The following SLIT1 variants were observed in gnomAD, a reference collection of about 807,000 sequenced individuals.
SLIT1 encodes the protein slit guidance ligand 1.
SLIT1 carries 66 observed loss-of-function variants against 186.1 expected under a neutral mutation model. That is an observed-to-expected ratio of 0.35 (90% CI 0.29 to 0.44). The LOEUF (loss-of-function observed/expected upper bound fraction) is 0.44. Ranked by LOEUF, SLIT1 falls within the 20% of genes least tolerant of loss-of-function variation. SLIT1 has a pLI of 1.00. For synonymous variants in SLIT1, 761 were observed against 833.8 expected, an observed-to-expected ratio of 0.91 and a Z score of 1.50; for missense variants, 1,638 against 2,037.4, an observed-to-expected ratio of 0.80 and a Z score of 3.77.
intron 4 of SLIT1, among the ~76,000 whole-genome samples, chr10:97,082,675 C>A (rs1849117217): frequency 6.6e-6 from 1 of 152,166 alleles, no homozygotes; most frequent in East Asian, 1.9e-4. Context: ...ACCTTGTGAT[C>A]TGCCCTCCTC....
chr10:97,049,308 C>T (rs1848766867), intron 13 of SLIT1, among the ~76,000 whole-genome samples, 190 bp from the exon 14 acceptor site: 1 of 152,172 alleles, frequency 6.6e-6, no homozygotes, highest in South Asian at 2.1e-4. Context: ...CTGGAGAGGT[C>T]CTGCCAGCGC....
intron 4 of SLIT1, among the ~76,000 whole-genome samples, chr10:97,147,513 G>A (rs994551313): frequency 3.2e-4 from 48 of 152,210 alleles, no homozygotes; most frequent in African/African-American, 1.2e-3. Flanking sequence ...TTTCTGGGGA[G>A]GGAGAAACTG....
intron 31 of SLIT1, among the ~76,000 whole-genome samples, chr10:97,007,176 T>C (rs953954968): frequency 5.3e-5 from 8 of 152,096 alleles, no homozygotes; most frequent in African/African-American, 1.9e-4. Context: ...AGGAATACTA[T>C]GAACAACAAT....
chr10:97,028,625 T>C (rs1277065924), intron 25 of SLIT1, among the ~76,000 whole-genome samples: 1 of 152,220 alleles, frequency 6.6e-6, no homozygotes. Flanking sequence ...ACAGCATAAA[T>C]GGTACCTCCT....
chr10:97,014,567 T>G (rs1848438473), intron 28 of SLIT1, among the ~76,000 whole-genome samples: 1 of 151,842 alleles, frequency 6.6e-6, no homozygotes, highest in Admixed American at 6.6e-5. Context: ...GGCAGAGGTG[T>G]GTGTAAAAGC....
chr10:97,038,224 C>T (rs1322530232), intron 21 of SLIT1, among the ~76,000 whole-genome samples: 1 of 152,212 alleles, frequency 6.6e-6, no homozygotes, highest in East Asian at 1.9e-4. Context: ...CCCCTCATTC[C>T]ATCAGCACCC....
intron 4 of SLIT1, among the ~76,000 whole-genome samples, chr10:97,069,924 T>C (rs1848986600): frequency 6.6e-6 from 1 of 151,962 alleles, no homozygotes. Context: ...GACTAGATCA[T>C]AAAAGACACT....
chr10:97,104,686 C>T (rs997596958), intron 4 of SLIT1, among the ~76,000 whole-genome samples: 2 of 152,102 alleles, frequency 1.3e-5, no homozygotes, highest in African/African-American at 2.4e-5. Context: ...GCCTCCCTCT[C>T]CCTGAATCCA....
intron 36 of SLIT1, among the ~76,000 whole-genome samples, 168 bp downstream of exon 36, chr10:97,001,990 T>C (rs1046699903): frequency 6.6e-6 from 1 of 151,872 alleles, no homozygotes; most frequent in African/African-American, 2.4e-5. Flanking sequence ...CCAGGAGAGA[T>C]TGGGAGCAGT....
chr10:97,171,111 A>G (rs895711307), intron 1 of SLIT1, among the ~76,000 whole-genome samples: 3 of 152,180 alleles, frequency 2.0e-5, no homozygotes, highest in African/African-American at 7.2e-5. Context: ...AGACAAGCCT[A>G]CTCGGGAAAT....
chr10:97,119,941 A>ATATATATATATATG (rs1179888328), intron 4 of SLIT1, among the ~76,000 whole-genome samples: 14 of 137,228 alleles, frequency 1.0e-4, no homozygotes, highest in Non-Finnish European at 1.8e-4. Context: ...ATATATATAT[A>ATATATATATATATG]TATATGTATA....
At chr10:97,120,783 C>T (rs1849553941) in intron 4 of SLIT1, among the ~76,000 whole-genome samples, 1 of 152,190 alleles carries the variant, frequency 6.6e-6, no homozygotes. Context: ...TGCCTCATTG[C>T]TCCATGGTAG....
At chr10:97,062,854 G>A (rs1848905878) in intron 8 of SLIT1, among the ~76,000 whole-genome samples, 1 of 152,246 alleles carries the variant, frequency 6.6e-6, no homozygotes, top group African/African-American at 2.4e-5. Flanking sequence ...TCTTCTGGCT[G>A]TAGTATAAGC....
rs950195954 is a variant in SLIT1, at chr10:96,999,956, C to T, written c.*1156G>A. 6.6e-6 allele frequency: 1 copy of T among 151,864 alleles called. No homozygotes were observed. Among genetic ancestry groups the T allele is most frequent in the Admixed American group, 6.6e-5 (1 of 15,266 alleles). 9.4% of individuals were successfully genotyped at this position (151,864 alleles called of 1,614,324 possible). On this transcript the variant is annotated 3_prime_UTR_variant, in exon 37 of 37. Coordinates refer to ENST00000266058, the MANE Select transcript of SLIT1 (RefSeq NM_003061.3). Reference sequence around the variant, plus strand: ...ATAGATAGATAGATAGATAGGTCTTCTAACTCCTCTGGCCTCCCAAGACCA... The same window carrying T: ...ATAGATAGATAGATAGATAGGTCTTTTAACTCCTCTGGCCTCCCAAGACCA...
chr10:97,139,614 A>G (rs2134701812), intron 4 of SLIT1, among the ~76,000 whole-genome samples: 1 of 152,274 alleles, frequency 6.6e-6, no homozygotes, highest in African/African-American at 2.4e-5. Flanking sequence ...AACCTCATGG[A>G]AGCTGTAAAC....
At chr10:97,104,667 C>A (rs1849395368) in intron 4 of SLIT1, among the ~76,000 whole-genome samples, 1 of 152,058 alleles carries the variant, frequency 6.6e-6, no homozygotes, top group Admixed American at 6.6e-5. Flanking sequence ...CCACACGTGC[C>A]CAGCTACAGC....
At chr10:97,110,005 CCAAA>C (rs1346759387) in intron 4 of SLIT1, among the ~76,000 whole-genome samples, 1 of 152,142 alleles carries the variant, frequency 6.6e-6, no homozygotes, top group African/African-American at 2.4e-5. Context: ...CCAGAAGGGC[CCAAA>C]CAGAGCAAAG....
At position 97,006,855 on chromosome 10, in the gene SLIT1, A is replaced by C. The variant is rs1848363698; in HGVS notation, c.3342-135T>G. 1 of 657,434 alleles carries C rather than the reference A, an allele frequency of 1.5e-6. No individual in the cohort carries two copies. Among genetic ancestry groups the C allele is most frequent in the Non-Finnish European group, 2.7e-6 (1 of 370,234 alleles). The allele number at this position is 657,434 out of a possible 1,614,324, so 40.7% of individuals were successfully genotyped here. On this transcript the variant is annotated intron_variant, in intron 31 of 36. Coordinates refer to ENST00000266058, the MANE Select transcript of SLIT1 (RefSeq NM_003061.3). The surrounding 1 kb of genome is among the most constrained non-coding windows in gnomAD (Gnocchi z 4.0). ...AAGCGACAGAAGATGCTCCTAATAA[A>C]CACTTTTCATGAGAGAGCTGAGAGC...
chr10:97,073,262 C>T (rs543520088), intron 4 of SLIT1, among the ~76,000 whole-genome samples: 20 of 152,282 alleles, frequency 1.3e-4, no homozygotes, highest in South Asian at 2.1e-4. Context: ...ATCAGTTTTC[C>T]GGGAGCTCTG....
Sources: allele counts gnomAD v4.1 joint callset (sites outside exome capture counted in the v4.1 genomes callset), GRCh38; gene constraint gnomAD v4.1.1; non-coding constraint Gnocchi (gnomAD v3.1); transcripts MANE v1.5; gene names NCBI Gene and HGNC (gene_info 2026-07-23, HGNC 2026-07-21).